Variants in GSE1 observed in about 807,000 individuals in gnomAD.
GSE1 encodes the protein genetic suppressor element 1.
GSE1 carries 32 observed loss-of-function variants against 112.6 expected under a neutral mutation model. That is an observed-to-expected ratio of 0.28 (90% CI 0.21 to 0.38). The LOEUF is 0.38. Among genes scored for constraint, GSE1 ranks in the 10% least tolerant of loss-of-function variants. The probability of loss-of-function intolerance (pLI) is 1.00; values close to 1 mark genes in which losing one functional copy is unlikely to be tolerated. For synonymous variants in GSE1, 1,115 were observed against 735.6 expected (o/e 1.52, Z -8.35); for missense variants, 2,348 against 1,699.2 (o/e 1.38, Z -6.71).
At chr16:85,537,403 A>T (rs2044367396) in intron 2 of GSE1, among the ~76,000 whole-genome samples, 1 of 152,210 alleles carries the variant, frequency 6.6e-6, no homozygotes, top group African/African-American at 2.4e-5. Context: ...TGGACCTGAG[A>T]CGAGCTTTAA....
At chr16:85,511,325 G>C (rs1365861180) in intron 2 of GSE1, among the ~76,000 whole-genome samples, 1 of 152,178 alleles carries the variant, frequency 6.6e-6, no homozygotes, top group Non-Finnish European at 1.5e-5. Flanking sequence ...TCAGGAGTTC[G>C]AGACCAGCCC....
At chr16:85,371,993 C>T (rs2047311172) in intron 2 of GSE1, among the ~76,000 whole-genome samples, 1 of 152,214 alleles carries the variant, frequency 6.6e-6, no homozygotes, top group Non-Finnish European at 1.5e-5. Context: ...GGCTCCGCCT[C>T]TGCAGAGCTT....
At chr16:85,211,862 C>T (rs1219322355) in intron 1 of GSE1, among the ~76,000 whole-genome samples, 6 of 152,248 alleles carry the variant, frequency 3.9e-5, no homozygotes, top group Non-Finnish European at 7.3e-5. Context: ...CGATTTCCAG[C>T]AGGGCTCTCT....
At chr16:85,379,723 C>A (rs1013061420) in intron 2 of GSE1, among the ~76,000 whole-genome samples, 35 of 152,362 alleles carry the variant, frequency 2.3e-4, no homozygotes, top group African/African-American at 7.9e-4. Context: ...CCCGGAGTCC[C>A]CTCAGCCTGG....
At chr16:85,337,008 A>AAG (rs1555564958) in intron 1 of GSE1, among the ~76,000 whole-genome samples, 1 of 152,046 alleles carries the variant, frequency 6.6e-6, no homozygotes, top group Non-Finnish European at 1.5e-5. Flanking sequence ...GTACACACAC[A>AAG]TATCCACAGG....
chr16:85,611,008 C>T (rs1383463696), upstream of GSE1, among the ~76,000 whole-genome samples: 1 of 152,226 alleles, frequency 6.6e-6, no homozygotes, highest in Non-Finnish European at 1.5e-5. Context: ...AGAAACCTAA[C>T]CCCACCTTCA....
chr16:85,317,398 G>A (rs1466624012), intron 1 of GSE1, among the ~76,000 whole-genome samples: 1 of 152,130 alleles, frequency 6.6e-6, no homozygotes, highest in African/African-American at 2.4e-5. Flanking sequence ...CTCCAGCGGT[G>A]CTGCAGACTC....
At chr16:85,656,994 C>T (rs868210611) in intron 7 of GSE1, among the ~76,000 whole-genome samples, 2 of 152,312 alleles carry the variant, frequency 1.3e-5, no homozygotes, top group South Asian at 2.1e-4. Flanking sequence ...GCATGTTTCC[C>T]GGAAATTTAA....
At chr16:85,188,793 C>G (rs2074761774) in intron 1 of GSE1, among the ~76,000 whole-genome samples, 1 of 148,184 alleles carries the variant, frequency 6.7e-6, no homozygotes, top group Admixed American at 6.8e-5. Context: ...AGAGTGGGAC[C>G]TTATCTCTAT....
chr16:85,481,252 A>G (rs11864002), intron 2 of GSE1, among the ~76,000 whole-genome samples: 12,130 of 152,298 alleles, frequency 0.08, 1,591 homozygotes, highest in African/African-American at 0.27. Flanking sequence ...ATGGAGATAA[A>G]AGACACCTCC....
intron 1 of GSE1, among the ~76,000 whole-genome samples, chr16:85,253,404 G>A (rs575673024): frequency 6.6e-6 from 1 of 152,334 alleles, no homozygotes; most frequent in African/African-American, 2.4e-5. Context: ...AGCCTGTGTG[G>A]CCCTGGAAAT....
chr16:85,347,305 G>C (rs1470556377), intron 1 of GSE1, among the ~76,000 whole-genome samples: 1 of 152,160 alleles, frequency 6.6e-6, no homozygotes, highest in African/African-American at 2.4e-5. Flanking sequence ...CCTAGGAGGA[G>C]GTTCTTGGGC....
At chr16:85,586,284 A>G (rs547119074) in intron 1 of GSE1, among the ~76,000 whole-genome samples, 4 of 152,354 alleles carry the variant, frequency 2.6e-5, no homozygotes, top group Admixed American at 6.5e-5. Flanking sequence ...TTAGGACTTC[A>G]GCGTAAGAAT....
chr16:85,645,972 C>T (rs2151851446), intron 2 of GSE1, among the ~76,000 whole-genome samples: 1 of 151,778 alleles, frequency 6.6e-6, no homozygotes, highest in East Asian at 1.9e-4. Context: ...ACGCATTCTA[C>T]CTGCTTCTAC....
At chr16:85,375,586 G>C (rs2047401197) in intron 2 of GSE1, among the ~76,000 whole-genome samples, 1 of 152,196 alleles carries the variant, frequency 6.6e-6, no homozygotes. Context: ...CGGTGGGTTT[G>C]CTGGTGTTCA....
At chr16:85,604,724 AAC>A (rs2047608074) in intron 1 of GSE1, among the ~76,000 whole-genome samples, 1 of 62,226 alleles carries the variant, frequency 1.6e-5, no homozygotes, top group African/African-American at 6.5e-5. Context: ...CAGCCTGGGC[AAC>A]AGAGTGAGAT....
rs1358737481 is a variant in GSE1, at chr16:85,634,145, G to A, written c.226+13G>A. On this transcript the variant is annotated intron_variant, in intron 2 of 15. Coordinates refer to ENST00000253458, the MANE Select transcript of GSE1 (RefSeq NM_014615.5). ...GAGGAGCCCAGAGGTAAGGGGGCCC[G>A]CCAGGCTGCGCGTGGGGGGAGCGGC... 1.1e-5 allele frequency: 16 copies of A among 1,435,564 alleles called. No individual in the cohort carries two copies. Among genetic ancestry groups the A allele is most frequent in the African/African-American group, 3.0e-5 (2 of 66,992 alleles). 88.9% of individuals were successfully genotyped at this position (1,435,564 alleles called of 1,614,324 possible). A position where few individuals can be genotyped will look rare whatever the true frequency, so the allele number is the denominator to read the frequency against.
chr16:85,262,531 G>T (rs1048147032), intron 1 of GSE1, among the ~76,000 whole-genome samples: 10 of 152,226 alleles, frequency 6.6e-5, no homozygotes, highest in African/African-American at 2.4e-4. Flanking sequence ...CCCCACATCG[G>T]TGATTTCTAG....
intron 2 of GSE1, among the ~76,000 whole-genome samples, chr16:85,375,404 C>T (rs1362014939): frequency 2.6e-5 from 4 of 152,168 alleles, no homozygotes; most frequent in Admixed American, 2.6e-4. Context: ...CTCATCTTCA[C>T]CAGGCCCAGG....
Sources: allele counts gnomAD v4.1 joint callset (sites outside exome capture counted in the v4.1 genomes callset), GRCh38; gene constraint gnomAD v4.1.1; transcripts MANE v1.5; gene names NCBI Gene and HGNC (gene_info 2026-07-23, HGNC 2026-07-21).